The following PCDH20 variants were observed in gnomAD, a reference collection of about 807,000 sequenced individuals.
The protein encoded by PCDH20 is protocadherin-20.
Under a neutral mutation model 39.7 loss-of-function variants are expected in PCDH20, and 18 were observed. That is an observed-to-expected ratio of 0.45 (90% CI 0.31 to 0.67). The LOEUF (loss-of-function observed/expected upper bound fraction) is 0.67, where lower values mean the gene tolerates loss of function less well. Ranked by LOEUF, PCDH20 falls within the 30% of genes least tolerant of loss-of-function variation. PCDH20 has a pLI of 0.05. For synonymous variants in PCDH20, 495 were observed against 455.4 expected (o/e 1.09, Z -1.11); for missense variants, 1,161 against 1,167.4 (o/e 0.99, Z 0.08).
chr13:61,415,256 G>A (rs1871522984), exon 1 of PCDH20: 4 of 1,244,834 alleles, frequency 3.2e-6, no homozygotes, highest in Non-Finnish European at 4.1e-6. Flanking sequence ...TCAGCCAATA[G>A]TCACTGGCTC....
exon 2 of PCDH20, chr13:61,413,810 C>T: frequency 1.2e-6 from 2 of 1,613,172 alleles, no homozygotes; most frequent in Non-Finnish European, 1.7e-6. Context: ...TCCGGCCTCC[C>T]TGCAGACCTG....
intron 1 of PCDH20, 91 bp downstream of exon 1, chr13:61,414,936 G>A (rs953115778): frequency 1.6e-6 from 2 of 1,278,080 alleles, no homozygotes; most frequent in Non-Finnish European, 2.0e-6. Flanking sequence ...TTTAGATAAA[G>A]GTAGAAGGTT....
At chr13:61,414,906 G>A in intron 1 of PCDH20, 121 bp downstream of exon 1, 1 of 1,193,152 alleles carries the variant, frequency 8.4e-7, no homozygotes, top group Non-Finnish European at 1.1e-6. Flanking sequence ...TTCCCTCCCG[G>A]CGCCATCCTT....
exon 2 of PCDH20, chr13:61,413,818 C>G (rs776792907): frequency 6.2e-7 from 1 of 1,612,998 alleles, no homozygotes; most frequent in Non-Finnish European, 8.5e-7. Context: ...CCCTGCAGAC[C>G]TGGGCAGCAG....
intron 1 of PCDH20, 70 bp from the exon 2 acceptor site, chr13:61,414,036 G>C: frequency 7.4e-7 from 1 of 1,355,264 alleles, no homozygotes; most frequent in Admixed American, 2.3e-5. Flanking sequence ...AGAAACTAGC[G>C]CCCCTGTGAT....
exon 1 of PCDH20, chr13:61,415,259 A>G (rs1335847877): frequency 1.6e-6 from 2 of 1,250,006 alleles, no homozygotes; most frequent in Non-Finnish European, 2.0e-6. Flanking sequence ...GCCAATAGTC[A>G]CTGGCTCTTC....
exon 2 of PCDH20, chr13:61,413,957 G>A: frequency 3.7e-6 from 6 of 1,606,460 alleles, no homozygotes; most frequent in Non-Finnish European, 5.1e-6. Flanking sequence ...AGGAAAAACA[G>A]AAACAGATGC....
chr13:61,413,507 C>A, exon 2 of PCDH20: 2 of 1,613,782 alleles, frequency 1.2e-6, no homozygotes, highest in Non-Finnish European at 1.7e-6. Context: ...TCTCTGATGG[C>A]GATCTTCACC....
chr13:61,412,283 T>G lies in PCDH20; in HGVS notation c.1816A>C (p.Arg606=), dbSNP rs767094941. ...CAGTCAACAGCTCTGACAGTGTATC[T>G]GTACTTTTCTTTCTCTTCTCGGTCC... The change falls in exon 2 of 2, where the codon AGA becomes CGA. Residue 606 remains arginine (R), a synonymous_variant. Transcript: ENST00000409204. 6.2e-6 allele frequency: 10 copies of G among 1,614,148 alleles called. No individual in the cohort carries two copies. In the South Asian group the frequency reaches 1.1e-4, roughly 18 times the overall value.
chr13:61,415,718 G>C (rs1217284598), upstream of PCDH20: 1 of 152,154 alleles, frequency 6.6e-6, no homozygotes, highest in Non-Finnish European at 1.5e-5. Context: ...GTGTAACGTA[G>C]GGTGAACCGG....
rs776228199 is a variant in PCDH20, at chr13:61,411,278, G to A, written c.2821C>T (p.Arg941Ter). 8 of 1,613,214 alleles carry A rather than the reference G, an allele frequency of 5.0e-6. No homozygotes were observed. Among genetic ancestry groups the A allele is most frequent in the Middle Eastern group, 1.6e-4 (1 of 6,084 alleles). The change falls in exon 2 of 2, where the codon CGA (arginine) becomes TGA (stop). Residue 941 changes from arginine (R) to a stop codon, truncating the protein, a stop_gained. Transcript: ENST00000409204. LOFTEE classifies it high-confidence loss of function. ...GAAATATCCATTGGCTTTCTCTCTC[G>A]CATATGCAAGTCAATTTTTCCTTTC...
exon 2 of PCDH20, chr13:61,412,531 A>G (rs1443364321): frequency 6.2e-7 from 1 of 1,614,134 alleles, no homozygotes; most frequent in South Asian, 1.1e-5. Context: ...TAAAAGTTGC[A>G]CTTTAATGAC....
exon 2 of PCDH20, chr13:61,411,407 A>T: frequency 3.1e-6 from 5 of 1,614,096 alleles, no homozygotes; most frequent in Non-Finnish European, 3.4e-6. Context: ...ATGGAACCCA[A>T]GCTTATTACA....
chr13:61,414,944 G>A, intron 1 of PCDH20, 83 bp downstream of exon 1: 1 of 1,283,072 alleles, frequency 7.8e-7, no homozygotes, highest in Non-Finnish European at 1.0e-6. Context: ...AAGGTAGAAG[G>A]TTTGAAAAAC....
chr13:61,412,802 T>A, exon 2 of PCDH20: 1 of 1,614,060 alleles, frequency 6.2e-7, no homozygotes, highest in Non-Finnish European at 8.5e-7. Context: ...TCTATCTCGT[T>A]TGCTATGTAA....
exon 2 of PCDH20, chr13:61,413,466 A>G (rs761243407): frequency 6.2e-6 from 10 of 1,613,978 alleles, no homozygotes; most frequent in Non-Finnish European, 8.5e-6. Flanking sequence ...AGATCTGGGA[A>G]ACAGGGAACT....
At chr13:61,414,743 C>A (rs1336506957) in intron 1 of PCDH20, among the ~76,000 whole-genome samples, 1 of 152,150 alleles carries the variant, frequency 6.6e-6, no homozygotes, top group South Asian at 2.1e-4. Context: ...CAGCAGGAAA[C>A]GATCCCGAAC....
chr13:61,410,757 AAATTT>A (rs1878228452), exon 2 of PCDH20: 1 of 152,666 alleles, frequency 6.6e-6, no homozygotes, highest in Non-Finnish European at 1.5e-5. Context: ...AAATAGGGTG[AAATTT>A]AATTTACTTT....
chr13:61,413,943 G>C, exon 2 of PCDH20: 1 of 1,609,168 alleles, frequency 6.2e-7, no homozygotes. Context: ...AGGGTCCCAC[G>C]AAGAGGAAAA....
Sources: gnomAD v4.1 joint callset for allele counts (sites outside exome capture counted in the v4.1 genomes callset) on GRCh38, gnomAD v4.1.1 for gene constraint, MANE v1.5 for transcripts, NCBI Gene and HGNC (gene_info 2026-07-23, HGNC 2026-07-21) for gene names.